RBM20: variants seen among roughly 807,000 people sequenced by gnomAD.
The protein encoded by RBM20 is RNA binding motif protein 20, also known as RNA-binding protein 20.
Under a neutral mutation model 110.1 loss-of-function variants are expected in RBM20, and 51 were observed. That is an observed-to-expected ratio of 0.46 (90% CI 0.37 to 0.59). The LOEUF is 0.59. RBM20 is among the 20% of genes least tolerant of loss of function. The probability of loss-of-function intolerance (pLI) is 0.00; values close to 1 mark genes in which losing one functional copy is unlikely to be tolerated. For missense variants in RBM20, 1,512 were observed against 1,574.9 expected (o/e 0.96, Z 0.68); for synonymous variants, 589 against 618.2 (o/e 0.95, Z 0.70).
intron 1 of RBM20, among the ~76,000 whole-genome samples, chr10:110,742,776 G>T (rs1300951548): frequency 6.6e-6 from 1 of 152,228 alleles, no homozygotes; most frequent in Non-Finnish European, 1.5e-5. Context: ...GTAGCTGGGA[G>T]GCTCGGTTAG....
In RBM20 at chr10:110,821,933, C is replaced by T. The variant is rs1241224023; in HGVS notation, c.3314C>T (p.Pro1105Leu). Residue 1105 changes from proline (P) to leucine (L), a missense_variant and splice_region_variant, in exon 11 of 14, where the codon CCG becomes CTG. By Grantham distance (98) the Pro-to-Leu change is moderately conservative (BLOSUM62 -3). Transcript: ENST00000369519. The part of the protein sequence containing the change: ...QNQACQEVLT[P>L]ENSRYVEMKS... Reference sequence around the variant, plus strand: ...CAAGCTTGCCAAGAAGTGTTGACCCCGGGTAACTATCTCCCCTTTCCTCAC... The same window carrying T: ...CAAGCTTGCCAAGAAGTGTTGACCCTGGGTAACTATCTCCCCTTTCCTCAC... The T allele has an allele frequency of 1.9e-5, 29 of 1,551,540 alleles. No homozygotes were observed. In the East Asian group the frequency reaches 3.9e-4, roughly 21 times the overall value.
chr10:110,766,677 G>T (rs1362859084), intron 1 of RBM20, among the ~76,000 whole-genome samples: 2 of 151,066 alleles, frequency 1.3e-5, no homozygotes, highest in Non-Finnish European at 3.0e-5. Context: ...CAAGGCAGAA[G>T]AATTTTTCTT....
intron 1 of RBM20, among the ~76,000 whole-genome samples, chr10:110,720,246 C>T (rs147344864): frequency 1.2e-4 from 18 of 152,298 alleles, no homozygotes; most frequent in African/African-American, 4.3e-4. Context: ...TTGCTTCATT[C>T]CTAGTGGAGT....
intron 1 of RBM20, among the ~76,000 whole-genome samples, chr10:110,691,297 C>T (rs1032389976): frequency 6.6e-6 from 1 of 152,188 alleles, no homozygotes; most frequent in East Asian, 1.9e-4. Flanking sequence ...TGTTATAGCA[C>T]CTCGAATTGA....
At chr10:110,701,372 G>A (rs181038563) in intron 1 of RBM20, among the ~76,000 whole-genome samples, 108 of 152,180 alleles carry the variant, frequency 7.1e-4, no homozygotes, top group Non-Finnish European at 1.5e-3. Context: ...CATAAAGTCC[G>A]GTCCTACTCC....
intron 1 of RBM20, among the ~76,000 whole-genome samples, chr10:110,656,455 A>G (rs964935416): frequency 1.4e-5 from 2 of 143,212 alleles, no homozygotes; most frequent in Non-Finnish European, 3.0e-5. Context: ...ATGAAATCCA[A>G]GTATGTACTC....
chr10:110,745,759 T>C (rs867858607), intron 1 of RBM20, among the ~76,000 whole-genome samples: 5 of 152,126 alleles, frequency 3.3e-5, no homozygotes, highest in East Asian at 1.9e-4. Flanking sequence ...CGTGATAACA[T>C]GTGAGGAGGG....
At chr10:110,704,332 T>G (rs1014581088) in intron 1 of RBM20, among the ~76,000 whole-genome samples, 1 of 152,228 alleles carries the variant, frequency 6.6e-6, no homozygotes, top group African/African-American at 2.4e-5. Flanking sequence ...TTTTGGCTAT[T>G]ACAAAGAAAG....
rs142664134 is a variant in RBM20 at position 110,657,236 on chromosome 10, C to T, written c.191+12591C>T. On this transcript the variant is annotated intron_variant, in intron 1 of 13. Transcript: ENST00000369519. ...TTCACCATGTTAGCCAGGATCATCT[C>T]GATCTCCTGACCTCGTGATCCACCT... Among the ~76,000 whole-genome samples, 234 of 151,866 alleles carry T rather than the reference C, an allele frequency of 1.5e-3. 1 individual carries two copies. Among genetic ancestry groups the T allele is most frequent in the South Asian group, 4.0e-3 (19 of 4,810 alleles).
In RBM20 at chr10:110,812,623, T is replaced by C; in HGVS notation, c.2226T>C (p.Ser742=). ...PHREKYPRSG[S]PNLPHSVSSY... is the part of the protein sequence containing the mutation. ...GGGAGAAGTACCCGAGATCTGGGTC[T>C]CCCAACCTGCCCCACTCTGTGTCCA... Residue 742 remains serine, a synonymous_variant, in exon 9 of 14, where the codon TCT becomes TCC. Transcript: ENST00000369519. The C allele has an allele frequency of 6.4e-7, 1 of 1,551,390 alleles. No homozygotes were observed. Among genetic ancestry groups the C allele is most frequent in the Non-Finnish European group, 8.7e-7 (1 of 1,146,942 alleles).
chr10:110,747,060 CT>C (rs1431025577), intron 1 of RBM20, among the ~76,000 whole-genome samples: 2 of 152,026 alleles, frequency 1.3e-5, no homozygotes, highest in African/African-American at 4.8e-5. Context: ...TGTCAATTTC[CT>C]GGTTTTGATC....
intron 2 of RBM20, among the ~76,000 whole-genome samples, chr10:110,782,339 A>G (rs934589894): frequency 6.6e-6 from 1 of 152,176 alleles, no homozygotes; most frequent in Non-Finnish European, 1.5e-5. Flanking sequence ...ACCTAGACAA[A>G]TTATTATAGA....
chr10:110,805,960 G>A (rs569258527), intron 7 of RBM20, among the ~76,000 whole-genome samples: 14 of 152,246 alleles, frequency 9.2e-5, no homozygotes, highest in African/African-American at 1.2e-4. Context: ...GTATTAGTCC[G>A]TTCTCACACT....
intron 1 of RBM20, among the ~76,000 whole-genome samples, chr10:110,737,663 A>G (rs1335603719): frequency 6.6e-6 from 1 of 150,762 alleles, no homozygotes; most frequent in African/African-American, 2.4e-5. Flanking sequence ...GATATGGTGT[A>G]TACTCTTTTG....
intron 2 of RBM20, 39 bp from the exon 3 acceptor site, chr10:110,783,327 C>A: frequency 1.3e-6 from 2 of 1,499,210 alleles, no homozygotes; most frequent in South Asian, 1.2e-5. Flanking sequence ...CCCATGGACT[C>A]AGTTCTACTT....
chr10:110,689,187 G>A (rs1862550655), intron 1 of RBM20, among the ~76,000 whole-genome samples: 1 of 152,164 alleles, frequency 6.6e-6, no homozygotes, highest in Admixed American at 6.5e-5. Flanking sequence ...GACATTGATA[G>A]AATCAAGATC....
chr10:110,833,498 T>G (rs891556494), intron 13 of RBM20, among the ~76,000 whole-genome samples: 3 of 151,382 alleles, frequency 2.0e-5, no homozygotes, highest in African/African-American at 7.3e-5. Context: ...CATCCTTATA[T>G]CAGGCTCTGA....
At chr10:110,760,393 G>T (rs1198067384) in intron 1 of RBM20, among the ~76,000 whole-genome samples, 1 of 144,492 alleles carries the variant, frequency 6.9e-6, no homozygotes, top group South Asian at 2.3e-4. Flanking sequence ...TAAGCTACAT[G>T]GGTCAATATT....
intron 1 of RBM20, among the ~76,000 whole-genome samples, chr10:110,702,979 G>GTT (rs576648088): frequency 3.6e-4 from 51 of 142,402 alleles, no homozygotes; most frequent in Middle Eastern, 3.5e-3. Flanking sequence ...TTTGGGGTGG[G>GTT]TTTTTTTTCT....
Sources: allele counts gnomAD v4.1 joint callset (sites outside exome capture counted in the v4.1 genomes callset), GRCh38; gene constraint gnomAD v4.1.1; transcripts MANE v1.5; gene names NCBI Gene and HGNC (gene_info 2026-07-23, HGNC 2026-07-21).